Variants in PCSK5 observed in about 807,000 individuals in gnomAD.
PCSK5 encodes prohormone convertase 5.
Under a neutral mutation model 233.2 loss-of-function variants are expected in PCSK5, and 129 were observed. The observed-to-expected ratio is 0.55, with a 90% CI of 0.48 to 0.64. The LOEUF is 0.64. Ranked by LOEUF, PCSK5 falls within the 30% of genes least tolerant of loss-of-function variation. PCSK5 has a pLI of 0.00. For missense variants in PCSK5, 2,076 were observed against 2,430.1 expected, an observed-to-expected ratio of 0.85 and a Z score of 3.06; for synonymous variants, 825 against 879.2, an observed-to-expected ratio of 0.94 and a Z score of 1.09.
intron 8 of PCSK5, 61 bp from the exon 9 acceptor site, chr9:76,107,190 T>A (rs753962543): frequency 3.1e-6 from 3 of 972,384 alleles, no homozygotes; most frequent in Non-Finnish European, 4.8e-6. Flanking sequence ...GTATATTTCT[T>A]TCTACTTGCA....
intron 2 of PCSK5, among the ~76,000 whole-genome samples, chr9:75,967,166 A>G (rs939338256): frequency 6.6e-6 from 1 of 152,058 alleles, no homozygotes. Flanking sequence ...GTTTTGTTAC[A>G]TGGGTATATT....
intron 7 of PCSK5, among the ~76,000 whole-genome samples, chr9:76,089,907 A>T (rs1041804305): frequency 6.6e-6 from 1 of 152,174 alleles, no homozygotes; most frequent in Non-Finnish European, 1.5e-5. Context: ...AATAATGCTG[A>T]TAGGGTAATA....
chr9:76,322,872 C>T (rs1024610226), intron 31 of PCSK5, among the ~76,000 whole-genome samples, 180 bp from the exon 32 acceptor site: 1 of 152,234 alleles, frequency 6.6e-6, no homozygotes, highest in Non-Finnish European at 1.5e-5. Context: ...TGTGTGGCCT[C>T]CTTGTCCCAA....
rs1829381019 is a variant in PCSK5 at position 76,046,183 on chromosome 9, T to TTTG, written c.632+19148_632+19149insGTT. Among the ~76,000 whole-genome samples the TTTG allele has an allele frequency of 2.5e-5, 3 of 120,556 alleles. No homozygotes were observed. In the South Asian group the frequency reaches 8.6e-4, roughly 35 times the overall value. The allele number at this position is 120,556 out of a possible 152,430, so 79.1% of individuals were successfully genotyped here. A position where few individuals can be genotyped will look rare whatever the true frequency, so the allele number is the denominator to read the frequency against. On this transcript the variant is annotated intron_variant, in intron 5 of 37. Coordinates refer to ENST00000674117, the MANE Select transcript of PCSK5 (RefSeq NM_001372043.1). The stretch of plus-strand genomic sequence containing the variant: ...TTGTTTTTTTTTTTTTTTTTTTTTT[T>TTTG]TTTTTTTTTTTTGAGACGGAGTCTC...
At chr9:76,314,692 A>G (rs1234045231) in intron 30 of PCSK5, among the ~76,000 whole-genome samples, 1 of 152,044 alleles carries the variant, frequency 6.6e-6, no homozygotes, top group African/African-American at 2.4e-5. Flanking sequence ...GCTGGAGTGC[A>G]ATGGCGCGAT....
At chr9:76,109,002 T>A (rs1420641902) in intron 9 of PCSK5, among the ~76,000 whole-genome samples, 1 of 152,204 alleles carries the variant, frequency 6.6e-6, no homozygotes, top group Non-Finnish European at 1.5e-5. Context: ...CAAGCTCCCA[T>A]GAATATTTGG....
Position 76,273,463 on chromosome 9 carries a change from C to T in PCSK5, c.3143-18770C>T, listed in dbSNP as rs139931355. ...TTCTCAAGGTGTTTCTTCTTACATA[C>T]TATGTCTCTTTATCACTCTCCCTGG... On this transcript the variant is annotated intron_variant, in intron 24 of 37. Transcript: ENST00000674117. 3.1e-3 allele frequency among the ~76,000 whole-genome samples: 465 copies of T among 151,566 alleles called. 3 individuals carry two copies. Among genetic ancestry groups the T allele is most frequent in the African/African-American group, 0.011 (445 of 41,324 alleles).
chr9:76,128,147 G>A (rs1822595224), intron 9 of PCSK5, among the ~76,000 whole-genome samples: 1 of 152,180 alleles, frequency 6.6e-6, no homozygotes, highest in African/African-American at 2.4e-5. Context: ...AAAATGAGCA[G>A]AAAAGGGACA....
chr9:76,317,218 C>T (rs1829059518), intron 30 of PCSK5, among the ~76,000 whole-genome samples: 1 of 152,020 alleles, frequency 6.6e-6, no homozygotes, highest in South Asian at 2.1e-4. Context: ...CAAAAATTAG[C>T]CAGGCATGGT....
chr9:76,247,474 C>T (rs972126544), intron 24 of PCSK5, among the ~76,000 whole-genome samples: 4 of 152,098 alleles, frequency 2.6e-5, no homozygotes, highest in African/African-American at 9.7e-5. Context: ...CTGTCTTTGC[C>T]TAATTAGCAT....
At chr9:76,037,622 A>C (rs1294106791) in intron 5 of PCSK5, among the ~76,000 whole-genome samples, 1 of 152,144 alleles carries the variant, frequency 6.6e-6, no homozygotes, top group Non-Finnish European at 1.5e-5. Context: ...CACTTAAGCG[A>C]CAACCTTTGT....
At chr9:75,923,389 A>G (rs1459608347) in intron 1 of PCSK5, among the ~76,000 whole-genome samples, 2 of 152,090 alleles carry the variant, frequency 1.3e-5, no homozygotes, top group African/African-American at 2.4e-5. Context: ...TACTAGTTCT[A>G]TTTTTCTAGG....
At chr9:76,298,546 G>GCAT (rs1307871162) in intron 27 of PCSK5, among the ~76,000 whole-genome samples, 1 of 152,142 alleles carries the variant, frequency 6.6e-6, no homozygotes, top group Non-Finnish European at 1.5e-5. Flanking sequence ...GCTTCCCCCA[G>GCAT]CATAGTGTAA....
Position 75,891,178 on chromosome 9 carries a change from G to T in PCSK5, c.-4G>T, listed in dbSNP as rs1825578112. The T allele has an allele frequency of 6.1e-6, 9 of 1,465,406 alleles. No individual in the cohort carries two copies. Among genetic ancestry groups the T allele is most frequent in the Non-Finnish European group, 6.3e-6 (7 of 1,116,954 alleles). 90.8% of individuals were successfully genotyped at this position (1,465,406 alleles called of 1,614,324 possible). Reference sequence around the variant, plus strand: ...GAGCGAGGGAGCAGCGAGGCGCCGGGACCATGGGCTGGGGGAGCCGCTGCT... The same window carrying T: ...GAGCGAGGGAGCAGCGAGGCGCCGGTACCATGGGCTGGGGGAGCCGCTGCT... On this transcript the variant is annotated 5_prime_UTR_variant, in exon 1 of 38. Transcript: ENST00000674117.
At chr9:76,134,056 TC>T (rs1822873213) in intron 9 of PCSK5, 52 bp from the exon 10 acceptor site, 8 of 1,133,612 alleles carry the variant, frequency 7.1e-6, no homozygotes, top group Non-Finnish European at 1.0e-5. Context: ...ACTCTCTGCT[TC>T]CCCCATCTTT....
At chr9:76,193,341 T>G in intron 20 of PCSK5, 1 of 1,610,998 alleles carries the variant, frequency 6.2e-7, no homozygotes, top group African/African-American at 1.3e-5. Flanking sequence ...AACATGTACA[T>G]TTCAAGGCTG....
At chr9:76,309,218 A>G (rs1484261168) in intron 29 of PCSK5, among the ~76,000 whole-genome samples, 3 of 152,208 alleles carry the variant, frequency 2.0e-5, no homozygotes, top group African/African-American at 7.2e-5. Flanking sequence ...ACCTTGTCTT[A>G]AAAAAGAAAA....
intron 9 of PCSK5, among the ~76,000 whole-genome samples, chr9:76,115,105 T>A (rs374753843): frequency 1.3e-5 from 2 of 152,138 alleles, no homozygotes; most frequent in African/African-American, 4.8e-5. Context: ...AATTGTGATA[T>A]CATCTATGGA....
intron 5 of PCSK5, among the ~76,000 whole-genome samples, chr9:76,052,690 A>G (rs1829673784): frequency 6.6e-6 from 1 of 152,164 alleles, no homozygotes; most frequent in Non-Finnish European, 1.5e-5. Context: ...CTCACATTTC[A>G]AAACCAATTA....
Sources: allele counts gnomAD v4.1 joint callset (sites outside exome capture counted in the v4.1 genomes callset), GRCh38; gene constraint gnomAD v4.1.1; transcripts MANE v1.5; gene names NCBI Gene and HGNC (gene_info 2026-07-23, HGNC 2026-07-21).